Variants in C8orf34 observed in about 807,000 individuals in gnomAD.
C8orf34 encodes the protein chromosome 8 open reading frame 34.
A neutral mutation model predicts 68.3 loss-of-function variants in C8orf34; 65 were observed. The observed-to-expected ratio is 0.95, with a 90% CI of 0.78 to 1.17. The LOEUF is 1.17. C8orf34 is among the 50% of genes most tolerant of loss of function. The probability of loss-of-function intolerance (pLI) is 0.00; values close to 1 mark genes in which losing one functional copy is unlikely to be tolerated. For missense variants in C8orf34, 664 were observed against 655.4 expected (o/e 1.01, Z -0.14); for synonymous variants, 244 against 241.2 (o/e 1.01, Z -0.11).
At chr8:68,477,496 C>T (rs1812672511) in intron 4 of C8orf34, among the ~76,000 whole-genome samples, 1 of 152,182 alleles carries the variant, frequency 6.6e-6, no homozygotes, top group African/African-American at 2.4e-5. Flanking sequence ...TGGAGCACTG[C>T]CTAGTGGCAT....
intron 8 of C8orf34, among the ~76,000 whole-genome samples, chr8:68,661,927 T>C (rs1374858568): frequency 1.3e-5 from 2 of 152,048 alleles, no homozygotes; most frequent in African/African-American, 4.8e-5. Context: ...GAAGGAAGAC[T>C]TTCTCTCTAC....
intron 1 of C8orf34, among the ~76,000 whole-genome samples, chr8:68,429,993 A>C (rs975495207): frequency 6.6e-6 from 1 of 152,096 alleles, no homozygotes; most frequent in Non-Finnish European, 1.5e-5. Flanking sequence ...GTGACTTGTC[A>C]GGCCTCTAGA....
chr8:68,332,998 C>T (rs1805696474), intron 1 of C8orf34, among the ~76,000 whole-genome samples: 1 of 152,156 alleles, frequency 6.6e-6, no homozygotes, highest in African/African-American at 2.4e-5. Flanking sequence ...TCATAAAATA[C>T]ATACATTTAG....
At chr8:68,341,636 T>G (rs998009595) in intron 1 of C8orf34, among the ~76,000 whole-genome samples, 1 of 151,832 alleles carries the variant, frequency 6.6e-6, no homozygotes, top group Non-Finnish European at 1.5e-5. Context: ...ACGATAGGAG[T>G]GAGTTCTCAT....
chr8:68,352,654 A>G (rs1299065674), intron 1 of C8orf34, among the ~76,000 whole-genome samples: 1 of 152,082 alleles, frequency 6.6e-6, no homozygotes, highest in Admixed American at 6.6e-5. Context: ...CTTTCATTCA[A>G]ATTTGGTAAT....
chr8:68,764,878 A>C (rs945078574), intron 10 of C8orf34, among the ~76,000 whole-genome samples: 1 of 152,180 alleles, frequency 6.6e-6, no homozygotes, highest in Non-Finnish European at 1.5e-5. Flanking sequence ...ACTCCTGAAA[A>C]CTTATTTGTA....
chr8:68,659,022 T>A (rs989142049), intron 8 of C8orf34, among the ~76,000 whole-genome samples: 1 of 152,186 alleles, frequency 6.6e-6, no homozygotes, highest in African/African-American at 2.4e-5. Flanking sequence ...TGTAAACTCA[T>A]CAGGAAGGGA....
intron 7 of C8orf34, among the ~76,000 whole-genome samples, chr8:68,621,178 A>G (rs1263655743): frequency 6.6e-6 from 1 of 152,210 alleles, no homozygotes; most frequent in Non-Finnish European, 1.5e-5. Context: ...GCTGGAGTCC[A>G]TCCAGAAATG....
At chr8:68,740,078 C>T (rs1822238048) in intron 10 of C8orf34, among the ~76,000 whole-genome samples, 1 of 152,110 alleles carries the variant, frequency 6.6e-6, no homozygotes, top group African/African-American at 2.4e-5. Flanking sequence ...TGGATCCTTT[C>T]CTTATACCAT....
chr8:68,337,673 G>A (rs999934168), intron 1 of C8orf34, among the ~76,000 whole-genome samples: 1 of 152,102 alleles, frequency 6.6e-6, no homozygotes, highest in Non-Finnish European at 1.5e-5. Flanking sequence ...GAGCACCTAG[G>A]GAATCAGTAT....
chr8:68,502,018 C>T (rs55979644), intron 5 of C8orf34, among the ~76,000 whole-genome samples: 1 of 151,826 alleles, frequency 6.6e-6, no homozygotes, highest in African/African-American at 2.4e-5. Context: ...ATTAGTACTC[C>T]GTGTGTGTGT....
At chr8:68,814,124 C>G (rs1824738054) in intron 12 of C8orf34, among the ~76,000 whole-genome samples, 1 of 152,258 alleles carries the variant, frequency 6.6e-6, no homozygotes, top group African/African-American at 2.4e-5. Context: ...CTAGCTTCAT[C>G]CTTCACTCTA....
rs980561488 is a variant in C8orf34, at chr8:68,672,873, T to C, written c.1241+32362T>C. 2.0e-5 allele frequency among the ~76,000 whole-genome samples: 3 copies of C among 152,080 alleles called. No individual in the cohort carries two copies. In the South Asian group the frequency reaches 6.2e-4, roughly 31 times the overall value. ...TCTTGGAAAGACACCTCCCCTCCAC[T>C]TGAGGAGAGAAGAGGGAAGAATAAA... is the stretch of plus-strand genomic sequence containing the variant. On this transcript the variant is annotated intron_variant, in intron 8 of 13. Coordinates refer to ENST00000518698, the MANE Select transcript of C8orf34 (RefSeq NM_052958.4).
chr8:68,762,557 G>A (rs1212079320), intron 10 of C8orf34, among the ~76,000 whole-genome samples: 2 of 151,942 alleles, frequency 1.3e-5, no homozygotes, highest in African/African-American at 4.8e-5. Context: ...AATCTTTTTG[G>A]CTCCTCTGTT....
At chr8:68,710,980 T>A (rs1821314683) in intron 9 of C8orf34, among the ~76,000 whole-genome samples, 1 of 152,154 alleles carries the variant, frequency 6.6e-6, no homozygotes, top group African/African-American at 2.4e-5. Flanking sequence ...TGAAGACTGA[T>A]CACATCACAG....
At chr8:68,632,805 A>G (rs1388346714) in intron 7 of C8orf34, among the ~76,000 whole-genome samples, 1 of 152,188 alleles carries the variant, frequency 6.6e-6, no homozygotes, top group Non-Finnish European at 1.5e-5. Flanking sequence ...CAAGTCTTAC[A>G]GCTTCCACGT....
At chr8:68,708,023 G>T (rs1465093021) in intron 8 of C8orf34, among the ~76,000 whole-genome samples, 12 of 151,918 alleles carry the variant, frequency 7.9e-5, no homozygotes, top group African/African-American at 2.9e-4. Flanking sequence ...TTTTTCCCAA[G>T]AAAAAATTTA....
chr8:68,576,504 A>G (rs1160179387), intron 7 of C8orf34, among the ~76,000 whole-genome samples: 2 of 151,658 alleles, frequency 1.3e-5, no homozygotes, highest in Non-Finnish European at 2.9e-5. Context: ...TTTCTCAGCT[A>G]CAATTCTTTC....
chr8:68,452,791 C>CT (rs1236091846), intron 3 of C8orf34, among the ~76,000 whole-genome samples: 59 of 143,520 alleles, frequency 4.1e-4, no homozygotes, highest in Non-Finnish European at 5.6e-4. Context: ...ATCTATTTTC[C>CT]TTTTTTTTTT....
Sources: allele counts gnomAD v4.1 joint callset (sites outside exome capture counted in the v4.1 genomes callset), GRCh38; gene constraint gnomAD v4.1.1; transcripts MANE v1.5; gene names NCBI Gene and HGNC (gene_info 2026-07-23, HGNC 2026-07-21).